The following DTWD1 variants were observed in gnomAD, a reference collection of about 807,000 sequenced individuals.
DTWD1 encodes DTW motif tRNA-uridine aminocarboxypropyltransferase 1.
A neutral mutation model predicts 30.2 loss-of-function variants in DTWD1; 27 were observed. The observed-to-expected ratio is 0.90, with a 90% CI of 0.66 to 1.23. The LOEUF (loss-of-function observed/expected upper bound fraction) is 1.23. Ranked by LOEUF, DTWD1 falls within the 50% of genes most tolerant of loss-of-function variation. The pLI, the probability that DTWD1 is intolerant of heterozygous loss-of-function variation, is 0.00. For synonymous variants in DTWD1, 99 were observed against 113.1 expected (o/e 0.88, Z 0.79); for missense variants, 342 against 348.8 (o/e 0.98, Z 0.15).
chr15:49,631,959 A>T, intron 2 of DTWD1, 200 bp from the exon 3 acceptor site: 1 of 603,772 alleles, frequency 1.7e-6, no homozygotes, highest in Non-Finnish European at 2.9e-6. Flanking sequence ...GTCCTAATAC[A>T]TGAATAACAA....
In DTWD1 at chr15:49,650,097, C is replaced by A. The variant is rs1488626066; in HGVS notation, c.*6519C>A. 1 of 151,678 alleles carries A rather than the reference C, an allele frequency of 6.6e-6. No homozygotes were observed. The highest frequency in any genetic ancestry group is 2.4e-5 in the African/African-American group (1 of 41,256). 9.4% of individuals were successfully genotyped at this position (151,678 alleles called of 1,614,324 possible). A position where few individuals can be genotyped will look rare whatever the true frequency, so the allele number is the denominator to read the frequency against. Reference sequence around the variant, plus strand: ...GTGTGTCTATATATATATATACACACAAAGGTACTGAGGCAGCAGTATACT... The same window carrying A: ...GTGTGTCTATATATATATATACACAAAAAGGTACTGAGGCAGCAGTATACT... On this transcript the variant is annotated 3_prime_UTR_variant, in exon 5 of 5. Transcript: ENST00000403028.
chr15:49,653,419 C>T lies in DTWD1; in HGVS notation c.*9841C>T, dbSNP rs539726433. The stretch of plus-strand genomic sequence containing the variant: ...AGAGTGTCCAGAAAGGAATGCAGTT[C>T]AGCTAACATCTTGATTTTAGATCAG... On this transcript the variant is annotated 3_prime_UTR_variant, in exon 5 of 5. Transcript: ENST00000403028. The T allele has an allele frequency of 8.5e-5, 13 of 152,236 alleles. No homozygotes were observed. The East Asian group carries it at 2.5e-3, about 29-fold the overall frequency. The allele number at this position is 152,236 out of a possible 1,614,324, so 9.4% of individuals were successfully genotyped here. A position where few individuals can be genotyped will look rare whatever the true frequency, so the allele number is the denominator to read the frequency against.
In DTWD1 at chr15:49,625,232, C is replaced by G. The variant is rs754945588; in HGVS notation, c.65C>G (p.Thr22Arg). The change falls in exon 2 of 5, where the codon ACA (threonine) becomes AGA (arginine). Residue 22 changes from threonine to arginine, a missense_variant. Physicochemically the swap from Thr to Arg is moderately conservative, Grantham distance 71 (BLOSUM62 -1). Transcript: ENST00000403028. ...SEENSSKFVE[T>R]KQSQTTSIAS... The stretch of plus-strand genomic sequence containing the variant: ...GAAAATAGTTCAAAATTTGTGGAAA[C>G]AAAACAGTCACAAACTACTTCCATA... 2.5e-6 allele frequency: 4 copies of G among 1,613,216 alleles called. No homozygotes were observed. Among genetic ancestry groups the G allele is most frequent in the African/African-American group, 1.3e-5 (1 of 74,884 alleles).
rs1567748212 is a variant in DTWD1 at position 49,644,903 on chromosome 15, C to T, written c.*1325C>T. The T allele has an allele frequency of 6.6e-6, 1 of 152,104 alleles. No homozygotes were observed. Among genetic ancestry groups the T allele is most frequent in the African/African-American group, 2.4e-5 (1 of 41,420 alleles). 9.4% of individuals were successfully genotyped at this position (152,104 alleles called of 1,614,324 possible). On this transcript the variant is annotated 3_prime_UTR_variant, in exon 5 of 5. Coordinates refer to ENST00000403028, the MANE Select transcript of DTWD1 (RefSeq NM_001144955.2). ...TTTTATTACACTCTTCTCAAATGTC[C>T]CCACTTGAAATAGCCTTCTATTTCT...
In DTWD1 at chr15:49,648,812, TG is replaced by T. The variant is rs1444244936; in HGVS notation, c.*5235del. On this transcript the variant is annotated 3_prime_UTR_variant, in exon 5 of 5. Transcript: ENST00000403028. ...GACCTCACTCTTTATTCAGCAGTTCTGCCACTATTACTAGCTAATCCAACAA... is the reference window on the plus strand; with the variant it reads ...GACCTCACTCTTTATTCAGCAGTTCTCCACTATTACTAGCTAATCCAACAA... 5 of 152,188 alleles carry T rather than the reference TG, an allele frequency of 3.3e-5. No homozygotes were observed. Among genetic ancestry groups the T allele is most frequent in the Non-Finnish European group, 7.4e-5 (5 of 68,026 alleles). The allele number at this position is 152,188 out of a possible 1,614,324, so 9.4% of individuals were successfully genotyped here. A position where few individuals can be genotyped will look rare whatever the true frequency, so the allele number is the denominator to read the frequency against.
At chr15:49,624,051 A>AC (rs1258619596) in intron 1 of DTWD1, among the ~76,000 whole-genome samples, 16 of 23,898 alleles carry the variant, frequency 6.7e-4, no homozygotes, top group Non-Finnish European at 2.0e-3. Context: ...TTACAATCTT[A>AC]AAAAAAAAAA....
In DTWD1 at chr15:49,625,512, A is replaced by C. The variant is rs532395347; in HGVS notation, c.264+81A>C. ...TCATGTATACCTACTCTAATTGATA[A>C]ACTTAATAAATAATGTTATTATTGT... On this transcript the variant is annotated intron_variant, in intron 2 of 4. Transcript: ENST00000403028. 6.4e-6 allele frequency: 8 copies of C among 1,249,272 alleles called. No homozygotes were observed. In the East Asian group the frequency reaches 1.3e-4, roughly 20 times the overall value. The allele number at this position is 1,249,272 out of a possible 1,614,324, so 77.4% of individuals were successfully genotyped here. A position where few individuals can be genotyped will look rare whatever the true frequency, so the allele number is the denominator to read the frequency against.
At chr15:49,641,012 C>T (rs369302775) in intron 4 of DTWD1, among the ~76,000 whole-genome samples, 55 of 151,928 alleles carry the variant, frequency 3.6e-4, no homozygotes, top group Middle Eastern at 3.4e-3. Flanking sequence ...GCATTTCTTT[C>T]CAGTTCTTAT....
rs2079127506 is a variant in DTWD1 at position 49,647,520 on chromosome 15, A to G, written c.*3942A>G. Reference sequence around the variant, plus strand: ...ATAAGGTACCTAAGAGCCTCGAAACATCACCAAATACCATGAATGCATTAG... The same window carrying G: ...ATAAGGTACCTAAGAGCCTCGAAACGTCACCAAATACCATGAATGCATTAG... On this transcript the variant is annotated 3_prime_UTR_variant, in exon 5 of 5. Transcript: ENST00000403028. 1 of 152,206 alleles carries G rather than the reference A, an allele frequency of 6.6e-6. No individual in the cohort carries two copies. Among genetic ancestry groups the G allele is most frequent in the Non-Finnish European group, 1.5e-5 (1 of 68,038 alleles). 9.4% of individuals were successfully genotyped at this position (152,206 alleles called of 1,614,324 possible). A position where few individuals can be genotyped will look rare whatever the true frequency, so the allele number is the denominator to read the frequency against.
At chr15:49,642,511 C>G (rs957101276) in intron 4 of DTWD1, among the ~76,000 whole-genome samples, 1 of 152,130 alleles carries the variant, frequency 6.6e-6, no homozygotes, top group Non-Finnish European at 1.5e-5. Context: ...CTTTAGGATA[C>G]TCTGTTCATG....
rs535495628 is a variant in DTWD1 at position 49,647,010 on chromosome 15, G to A, written c.*3432G>A. ...TAAAGAAATTAAGGTTTACCCCAAT[G>A]TGAGAATTACTGGGGTAATAAAGGT... On this transcript the variant is annotated 3_prime_UTR_variant, in exon 5 of 5. Coordinates refer to ENST00000403028, the MANE Select transcript of DTWD1 (RefSeq NM_001144955.2). 2 of 152,314 alleles carry A rather than the reference G, an allele frequency of 1.3e-5. No individual in the cohort carries two copies. The highest frequency in any genetic ancestry group is 4.8e-5 in the African/African-American group (2 of 41,574). The allele number at this position is 152,314 out of a possible 1,614,324, so 9.4% of individuals were successfully genotyped here.
chr15:49,629,169 CAT>C (rs1220897876), intron 2 of DTWD1, among the ~76,000 whole-genome samples: 2 of 152,164 alleles, frequency 1.3e-5, no homozygotes, highest in Non-Finnish European at 2.9e-5. Flanking sequence ...CTTCTTTTAA[CAT>C]GTGTGAACTA....
intron 4 of DTWD1, among the ~76,000 whole-genome samples, chr15:49,636,401 A>G (rs888117516): frequency 3.3e-5 from 5 of 152,142 alleles, no homozygotes; most frequent in Middle Eastern, 3.2e-3. Flanking sequence ...TGAAAATTAC[A>G]TAATATCATC....
In DTWD1 at chr15:49,645,061, T is replaced by G. The variant is rs2079108402; in HGVS notation, c.*1483T>G. The G allele has an allele frequency of 6.6e-6, 1 of 152,192 alleles. No homozygotes were observed. Among genetic ancestry groups the G allele is most frequent in the Non-Finnish European group, 1.5e-5 (1 of 68,038 alleles). 9.4% of individuals were successfully genotyped at this position (152,192 alleles called of 1,614,324 possible). On this transcript the variant is annotated 3_prime_UTR_variant, in exon 5 of 5. Transcript: ENST00000403028. ...AATTAGTTTGCTGTACATTACGTTG[T>G]TTCCCTCCCAGGGATTCAGAAGGCA...
At chr15:49,633,637 G>T in intron 3 of DTWD1, 1 of 271,260 alleles carries the variant, frequency 3.7e-6, no homozygotes. Flanking sequence ...GCCCGGCCAA[G>T]ATTTTTTGTT....
In DTWD1 at chr15:49,621,084, G is replaced by T. The variant is rs1168859983; in HGVS notation, c.-94G>T. ...CGTGGCTCGGGCTCGGGCGGAGCTG[G>T]AGACGTGTGGAGCTGTTCGAGGACT... On this transcript the variant is annotated 5_prime_UTR_variant, in exon 1 of 5. Coordinates refer to ENST00000403028, the MANE Select transcript of DTWD1 (RefSeq NM_001144955.2). 6.6e-6 allele frequency: 1 copy of T among 152,622 alleles called. No homozygotes were observed. Among genetic ancestry groups the T allele is most frequent in the Non-Finnish European group, 1.5e-5 (1 of 68,370 alleles). The allele number at this position is 152,622 out of a possible 1,614,324, so 9.5% of individuals were successfully genotyped here.
At chr15:49,622,230 T>A (rs1480393730) in intron 1 of DTWD1, among the ~76,000 whole-genome samples, 1 of 152,206 alleles carries the variant, frequency 6.6e-6, no homozygotes, top group African/African-American at 2.4e-5. Context: ...CTTACAGAGT[T>A]GAATGCTGGA....
At chr15:49,632,362 A>G (rs534291137) in intron 3 of DTWD1, 60 bp downstream of exon 3, 3 of 1,482,102 alleles carry the variant, frequency 2.0e-6, no homozygotes, top group East Asian at 4.8e-5. Context: ...TTTAACCTCC[A>G]TTGCCTTTCT....
intron 2 of DTWD1, among the ~76,000 whole-genome samples, chr15:49,631,262 T>C (rs2078916736): frequency 6.6e-6 from 1 of 152,202 alleles, no homozygotes; most frequent in Admixed American, 6.5e-5. Flanking sequence ...AAGACAGTTT[T>C]GTGATATAAA....
Sources: gnomAD v4.1 joint callset for allele counts (sites outside exome capture counted in the v4.1 genomes callset) on GRCh38, gnomAD v4.1.1 for gene constraint, MANE v1.5 for transcripts, NCBI Gene and HGNC (gene_info 2026-07-23, HGNC 2026-07-21) for gene names.